ROS1: variants seen among roughly 807,000 people sequenced by gnomAD.
ROS1 encodes proto-oncogene tyrosine-protein kinase ROS.
Under a neutral mutation model 273.5 loss-of-function variants are expected in ROS1, and 263 were observed. The ratio of observed to expected loss-of-function variants is 0.96; its 90% confidence interval spans 0.87 to 1.06. The LOEUF is 1.06. Ranked by LOEUF, ROS1 falls within the 50% of genes least tolerant of loss-of-function variation. The probability of loss-of-function intolerance (pLI) is 0.00; values close to 1 mark genes in which losing one functional copy is unlikely to be tolerated. For synonymous variants in ROS1, 1,008 were observed against 954.1 expected (o/e 1.06, Z -1.04); for missense variants, 2,833 against 2,751.1 (o/e 1.03, Z -0.67).
At chr6:117,356,937 C>A (rs2128644596) in intron 25 of ROS1, 22 bp from the exon 26 acceptor site, 1 of 1,587,202 alleles carries the variant, frequency 6.3e-7, no homozygotes, top group Non-Finnish European at 8.6e-7. Context: ...AAAAAAGTCC[C>A]CCCAACTTAA....
intron 6 of ROS1, among the ~76,000 whole-genome samples, chr6:117,403,577 G>C (rs1774133640): frequency 6.8e-6 from 1 of 147,986 alleles, no homozygotes; most frequent in African/African-American, 2.5e-5. Flanking sequence ...ACTTTCTCAT[G>C]CTTCCCTAAA....
At chr6:117,397,782 A>C (rs561593104) in intron 7 of ROS1, among the ~76,000 whole-genome samples, 1 of 152,338 alleles carries the variant, frequency 6.6e-6, no homozygotes, top group Non-Finnish European at 1.5e-5. Context: ...CAGCTACTTA[A>C]GTGGAAAAAG....
chr6:117,409,351 A>T (rs1231140715), intron 5 of ROS1, among the ~76,000 whole-genome samples: 1 of 152,216 alleles, frequency 6.6e-6, no homozygotes, highest in Non-Finnish European at 1.5e-5. Flanking sequence ...ATCTGGTCCT[A>T]AACATTAGTC....
chr6:117,401,086 T>C (rs977856082), intron 7 of ROS1, among the ~76,000 whole-genome samples: 1 of 152,172 alleles, frequency 6.6e-6, no homozygotes, highest in African/African-American at 2.4e-5. Context: ...CAACTTTGAT[T>C]TTCCCATCTT....
chr6:117,425,136 C>A (rs187465474), intron 1 of ROS1, among the ~76,000 whole-genome samples: 1 of 152,274 alleles, frequency 6.6e-6, no homozygotes, highest in East Asian at 1.9e-4. Context: ...TTTCATCCAG[C>A]TCCCTACACA....
At chr6:117,344,033 G>C (rs770057832) in intron 28 of ROS1, 27 bp downstream of exon 28, 5 of 1,554,264 alleles carry the variant, frequency 3.2e-6, no homozygotes, top group Admixed American at 1.7e-5. Flanking sequence ...CTTGTGAAAA[G>C]ACAAAGACCA....
intron 31 of ROS1, among the ~76,000 whole-genome samples, chr6:117,340,049 T>C (rs1234792735): frequency 6.6e-6 from 1 of 152,260 alleles, no homozygotes; most frequent in East Asian, 1.9e-4. Context: ...GAACTTTACA[T>C]CCTTCCTCTT....
Position 117,301,001 on chromosome 6 carries a change from T to G in ROS1, c.6688A>C (p.Ser2230Arg). Reference protein sequence around the residue: ...IYKSRDEANNSGVINESFEGE... With the variant: ...IYKSRDEANNRGVINESFEGE... ...TCAAAGCTTTCATTTATGACTCCAC[T>G]GTTGTTTGCTTCATCTCTGGACTTA... Residue 2230 changes from serine (S) to arginine (R), a missense_variant, in exon 43 of 44, where the codon AGT (serine) becomes CGT (arginine). Physicochemically the swap from Ser to Arg is moderately radical, Grantham distance 110. Coordinates refer to ENST00000368507, the MANE Select transcript of ROS1 (RefSeq NM_001378902.1). 6.3e-7 allele frequency: 1 copy of G among 1,587,554 alleles called. No homozygotes were observed. Among genetic ancestry groups the G allele is most frequent in the South Asian group, 1.2e-5 (1 of 84,242 alleles).
intron 7 of ROS1, among the ~76,000 whole-genome samples, chr6:117,398,523 A>G (rs1488373351): frequency 6.6e-6 from 1 of 152,058 alleles, no homozygotes; most frequent in Non-Finnish European, 1.5e-5. Flanking sequence ...TACTAAAATT[A>G]CAAAAATTAG....
At chr6:117,340,930 C>A (rs1777863189) in intron 31 of ROS1, among the ~76,000 whole-genome samples, 1 of 151,950 alleles carries the variant, frequency 6.6e-6, no homozygotes, top group African/African-American at 2.4e-5. Flanking sequence ...TTACATAAAG[C>A]CTTTTAAAAG....
intron 5 of ROS1, among the ~76,000 whole-genome samples, chr6:117,405,830 C>A (rs1774353344): frequency 6.6e-6 from 1 of 152,108 alleles, no homozygotes; most frequent in Non-Finnish European, 1.5e-5. Flanking sequence ...TCAGAGATAT[C>A]CCTTACCAGC....
In ROS1 at chr6:117,365,575, C is replaced by A; in HGVS notation, c.2958+6G>T. The A allele has an allele frequency of 1.2e-6, 2 of 1,611,666 alleles. No homozygotes were observed. The highest frequency in any genetic ancestry group is 1.7e-6 in the Non-Finnish European group (2 of 1,177,850). On this transcript the variant is annotated splice_donor_region_variant and intron_variant, in intron 20 of 43. Coordinates refer to ENST00000368507, the MANE Select transcript of ROS1 (RefSeq NM_001378902.1). ...GAAATGAAAGTTACTAGAACCAACA[C>A]CATACCTTAGAATGAGCACTAAATT... is the stretch of plus-strand genomic sequence containing the variant.
chr6:117,374,990 A>G (rs1781191306), intron 18 of ROS1, among the ~76,000 whole-genome samples: 1 of 152,250 alleles, frequency 6.6e-6, no homozygotes, highest in African/African-American at 2.4e-5. Flanking sequence ...CAAAAAAGAT[A>G]CATGCACATG....
Position 117,308,904 on chromosome 6 carries a change from C to A in ROS1, c.6441G>T (p.Glu2147Asp), listed in dbSNP as rs1775321187. Reference sequence around the variant, plus strand: ...AAGGCTGATGACCAAGAGTTAAAATCTCCCAAATCAGAATTCCAAAAGACC... The same window carrying A: ...AAGGCTGATGACCAAGAGTTAAAATATCCCAAATCAGAATTCCAAAAGACC... ...DVWSFGILIW[E>D]ILTLGHQPYP... Residue 2147 changes from glutamate (E) to aspartate (D), a missense_variant, in exon 42 of 44, where the codon GAG becomes GAT. Glu to Asp is a conservative substitution (Grantham distance 45). Coordinates refer to ENST00000368507, the MANE Select transcript of ROS1 (RefSeq NM_001378902.1). 4.3e-6 allele frequency: 7 copies of A among 1,613,034 alleles called. No homozygotes were observed. Among genetic ancestry groups the A allele is most frequent in the East Asian group, 2.2e-5 (1 of 44,848 alleles).
In ROS1 at chr6:117,342,531, C is replaced by T. The variant is rs1227267213; in HGVS notation, c.4520G>A (p.Ser1507Asn). 1 of 1,537,756 alleles carries T rather than the reference C, an allele frequency of 6.5e-7. No individual in the cohort carries two copies. Among genetic ancestry groups the T allele is most frequent in the Middle Eastern group, 1.7e-4 (1 of 5,892 alleles). Residue 1507 changes from serine (S) to asparagine (N), a missense_variant, in exon 29 of 44, where the codon AGT (serine) becomes AAT (asparagine). Coordinates refer to ENST00000368507, the MANE Select transcript of ROS1 (RefSeq NM_001378902.1). Reference protein sequence around the residue: ...LKYRILEFQDSIALIEDLQPF... With the variant: ...LKYRILEFQDNIALIEDLQPF... ...TTGTAAATCTTCAATAAGAGCTATA[C>T]TGTCCTGAAATTCCTGTAATTGATT...
Position 117,397,438 on chromosome 6 carries a change from G to A in ROS1, c.605-322C>T, listed in dbSNP as rs187639800. The stretch of plus-strand genomic sequence containing the variant: ...TAGAGACTTAAATGAGTTGAAACAT[G>A]GGATGGAACCAGTTTAGGAAGAAGA... On this transcript the variant is annotated intron_variant, in intron 7 of 43. Coordinates refer to ENST00000368507, the MANE Select transcript of ROS1 (RefSeq NM_001378902.1). Among the ~76,000 whole-genome samples, 23 of 152,218 alleles carry A rather than the reference G, an allele frequency of 1.5e-4. No homozygotes were observed. In the East Asian group the frequency reaches 2.3e-3, roughly 15 times the overall value.
In ROS1 at chr6:117,365,140, A is replaced by G; in HGVS notation, c.3023T>C (p.Leu1008Ser). The G allele has an allele frequency of 6.2e-7, 1 of 1,613,296 alleles. No homozygotes were observed. Among genetic ancestry groups the G allele is most frequent in the Non-Finnish European group, 8.5e-7 (1 of 1,179,262 alleles). Residue 1008 changes from leucine (L) to serine (S), a missense_variant, in exon 21 of 44, where the codon TTA becomes TCA. Transcript: ENST00000368507. ...ATAAGGAGTGACAGAAAGATTAAAT[A>G]AGGCATAAGGTTCCAGTCCTTCCAC... Reference protein sequence around the residue: ...FTVEGLEPYALFNLSVTPYTY... With the variant: ...FTVEGLEPYASFNLSVTPYTY...
chr6:117,389,823 T>C lies in ROS1; in HGVS notation c.1313A>G (p.Asp438Gly). ...AGGAAGGTCTGCTCTATAAATGCCA[T>C]CTCTCAGGAGGTAAAAGACATACCT... The part of the protein sequence containing the change: ...YNGYVFYLLR[D>G]GIYRADLPVP... The change falls in exon 13 of 44, where the codon GAT becomes GGT. Residue 438 changes from aspartate (D) to glycine (G), a missense_variant. Asp to Gly is a moderately conservative substitution (Grantham distance 94). Coordinates refer to ENST00000368507, the MANE Select transcript of ROS1 (RefSeq NM_001378902.1). 1 of 1,609,276 alleles carries C rather than the reference T, an allele frequency of 6.2e-7. No individual in the cohort carries two copies. The highest frequency in any genetic ancestry group is 8.5e-7 in the Non-Finnish European group (1 of 1,175,948).
rs750234335 is a variant in ROS1, at chr6:117,396,147, C to A, written c.883+41G>T. Reference sequence around the variant, plus strand: ...CTGGCTCTGAAACCACCCTTGCCACCCTCATTCCTGTGTAGCTAAAGGAAG... The same window carrying A: ...CTGGCTCTGAAACCACCCTTGCCACACTCATTCCTGTGTAGCTAAAGGAAG... On this transcript the variant is annotated intron_variant, in intron 9 of 43. Coordinates refer to ENST00000368507, the MANE Select transcript of ROS1 (RefSeq NM_001378902.1). 2.5e-5 allele frequency: 38 copies of A among 1,534,278 alleles called. No individual in the cohort carries two copies. The East Asian group carries it at 8.1e-4, about 33-fold the overall frequency.
Sources: gnomAD v4.1 joint callset for allele counts (sites outside exome capture counted in the v4.1 genomes callset) on GRCh38, gnomAD v4.1.1 for gene constraint, MANE v1.5 for transcripts, NCBI Gene and HGNC (gene_info 2026-07-23, HGNC 2026-07-21) for gene names.